Variants in FOCAD observed in about 807,000 individuals in gnomAD.
FOCAD encodes the protein KIAA1797.
A neutral mutation model predicts 225.6 loss-of-function variants in FOCAD; 198 were observed. The ratio of observed to expected loss-of-function variants is 0.88; its 90% confidence interval spans 0.78 to 0.99. The LOEUF (loss-of-function observed/expected upper bound fraction) is 0.99, where lower values mean the gene tolerates loss of function less well. FOCAD is among the 50% of genes least tolerant of loss of function. The probability of loss-of-function intolerance (pLI) is 0.00; values close to 1 mark genes in which losing one functional copy is unlikely to be tolerated. For synonymous variants in FOCAD, 897 were observed against 755.0 expected (o/e 1.19, Z -3.08); for missense variants, 2,713 against 2,123.6 (o/e 1.28, Z -5.46).
intron 10 of FOCAD, among the ~76,000 whole-genome samples, chr9:20,783,244 G>C (rs371180436): frequency 1.3e-5 from 2 of 152,110 alleles, no homozygotes; most frequent in African/African-American, 4.8e-5. Context: ...TTTCTCTTTA[G>C]CAGCTGGTAA....
chr9:20,732,607 C>T (rs1032712764), intron 4 of FOCAD, among the ~76,000 whole-genome samples: 3 of 151,868 alleles, frequency 2.0e-5, no homozygotes, highest in Non-Finnish European at 4.4e-5. Context: ...TTTTATCTAG[C>T]GGGTGTTAGT....
At position 20,849,382 on chromosome 9, in the gene FOCAD, G is replaced by T. The variant is rs182371297; in HGVS notation, c.1921-13196G>T. 8.0e-3 allele frequency among the ~76,000 whole-genome samples: 1,161 copies of T among 145,512 alleles called. 7 individuals are homozygous for T. Among genetic ancestry groups the T allele is most frequent in the African/African-American group, 0.015 (608 of 39,954 alleles). On this transcript the variant is annotated intron_variant, in intron 15 of 43. Coordinates refer to ENST00000338382, the MANE Select transcript of FOCAD (RefSeq NM_001375567.1). ...TGTCTGCTTCTTGAAACTTTTTCTG[G>T]TTTTTTTTTTCTGTTTTTTAAACTA...
chr9:20,890,355 C>G (rs1831507295), intron 21 of FOCAD, among the ~76,000 whole-genome samples: 2 of 146,628 alleles, frequency 1.4e-5, no homozygotes, highest in Admixed American at 1.4e-4. Context: ...CCTTCTAGTC[C>G]TAGATTTCTG....
At chr9:20,962,450 A>ACATACATACATG (rs1454692233) in intron 35 of FOCAD, among the ~76,000 whole-genome samples, 28 of 151,950 alleles carry the variant, frequency 1.8e-4, no homozygotes, top group Non-Finnish European at 4.1e-4. Flanking sequence ...ATACATACAT[A>ACATACATACATG]CATACACTAG....
chr9:20,716,413 T>G (rs899580897), intron 2 of FOCAD, among the ~76,000 whole-genome samples: 1 of 152,110 alleles, frequency 6.6e-6, no homozygotes, highest in East Asian at 1.9e-4. Context: ...TAAGTAGCAA[T>G]GTAGGCTGAT....
chr9:20,806,504 A>G (rs537810380), intron 11 of FOCAD, among the ~76,000 whole-genome samples: 2 of 152,322 alleles, frequency 1.3e-5, no homozygotes, highest in South Asian at 4.1e-4. Context: ...CAAGCTACAG[A>G]ACAAGAATTA....
chr9:20,912,878 G>A lies in FOCAD; in HGVS notation c.2731G>A (p.Glu911Lys). The A allele has an allele frequency of 6.2e-7, 1 of 1,613,210 alleles. No homozygotes were observed. The highest frequency in any genetic ancestry group is 1.3e-5 in the African/African-American group (1 of 74,976). ...GTGATTTTTGCAGGGAAGACTAGGA[G>A]AGCTGGAGTTGCAGTTAAAACATGG... ...YHAILQGRLGELELQLKHGKE... is the reference protein window; with the variant it reads ...YHAILQGRLGKLELQLKHGKE... The change falls in exon 23 of 44, where the codon GAG (glutamate) becomes AAG (lysine). Residue 911 changes from glutamate to lysine, a missense_variant. Glu to Lys is a moderately conservative substitution (Grantham distance 56). Transcript: ENST00000338382.
chr9:20,749,802 A>G (rs1828380194), intron 5 of FOCAD, among the ~76,000 whole-genome samples: 1 of 152,198 alleles, frequency 6.6e-6, no homozygotes, highest in Admixed American at 6.6e-5. Flanking sequence ...GAGGTGACCT[A>G]AAGGTTACAA....
In FOCAD at chr9:20,658,359, G is replaced by A. The variant is rs563394362; in HGVS notation, c.-314G>A. The A allele has an allele frequency of 2.9e-5, 5 of 172,434 alleles. 1 individual carries two copies. The highest frequency in any genetic ancestry group is 4.8e-5 in the Non-Finnish European group (4 of 83,790). 10.7% of individuals were successfully genotyped at this position (172,434 alleles called of 1,614,324 possible). On this transcript the variant is annotated 5_prime_UTR_variant, in exon 1 of 46. Coordinates refer to the FOCAD transcript ENST00000380249. ...TACCTAATCAAGCCTGGGCAATGGC[G>A]GGCGCCCCTCCCGCAGCCTCGCTGC...
At chr9:20,803,008 T>G (rs1822013532) in intron 11 of FOCAD, among the ~76,000 whole-genome samples, 2 of 152,178 alleles carry the variant, frequency 1.3e-5, no homozygotes. Context: ...CTCCTTTCAT[T>G]ATTTCCAGTA....
intron 21 of FOCAD, among the ~76,000 whole-genome samples, chr9:20,904,055 T>A (rs74427237): frequency 0.023 from 3,428 of 152,114 alleles, 126 homozygotes; most frequent in African/African-American, 0.078. Flanking sequence ...TTTGGCATAA[T>A]GTTTTCAAGG....
chr9:20,716,470 T>G (rs534676256), intron 2 of FOCAD, among the ~76,000 whole-genome samples: 1 of 152,268 alleles, frequency 6.6e-6, no homozygotes, highest in East Asian at 1.9e-4. Context: ...GGCTAGTATC[T>G]CTGATTTGTT....
chr9:20,769,520 A>G (rs1381764047), intron 7 of FOCAD, among the ~76,000 whole-genome samples: 2 of 152,216 alleles, frequency 1.3e-5, no homozygotes, highest in African/African-American at 4.8e-5. Flanking sequence ...ACACTCTACC[A>G]TTTGAATATG....
intron 35 of FOCAD, among the ~76,000 whole-genome samples, chr9:20,958,222 A>G (rs115342536): frequency 0.013 from 2,055 of 152,318 alleles, 48 homozygotes; most frequent in African/African-American, 0.046. Flanking sequence ...TCCTTCTTTT[A>G]TAATGTCATA....
chr9:20,947,766 T>C (rs987247786), intron 30 of FOCAD, among the ~76,000 whole-genome samples: 10 of 152,208 alleles, frequency 6.6e-5, no homozygotes, highest in South Asian at 2.1e-4. Flanking sequence ...ATATTGATGA[T>C]AATGGGTTAT....
chr9:20,912,874 A>G lies in FOCAD; in HGVS notation c.2727A>G (p.Leu909=). The stretch of plus-strand genomic sequence containing the variant: ...TGCTGTGATTTTTGCAGGGAAGACT[A>G]GGAGAGCTGGAGTTGCAGTTAAAAC... ...RAYHAILQGR[L]GELELQLKHG... is the part of the protein sequence containing the mutation. The change falls in exon 23 of 44, where the codon CTA becomes CTG. Residue 909 remains leucine, a synonymous_variant. Transcript: ENST00000338382. 3 of 1,613,110 alleles carry G rather than the reference A, an allele frequency of 1.9e-6. No homozygotes were observed. The highest frequency in any genetic ancestry group is 2.2e-5 in the East Asian group (1 of 44,838).
chr9:20,861,879 A>G (rs1439379767), intron 15 of FOCAD, among the ~76,000 whole-genome samples: 1 of 152,136 alleles, frequency 6.6e-6, no homozygotes, highest in Non-Finnish European at 1.5e-5. Context: ...AATTGAACTT[A>G]AGAAGATATT....
At chr9:20,728,000 G>A (rs970508417) in intron 4 of FOCAD, among the ~76,000 whole-genome samples, 11 of 152,168 alleles carry the variant, frequency 7.2e-5, no homozygotes, top group Non-Finnish European at 1.6e-4. Flanking sequence ...AGTGTTTAGT[G>A]TTGTAATGAA....
At chr9:20,841,307 G>T (rs970623390) in intron 15 of FOCAD, among the ~76,000 whole-genome samples, 9 of 151,452 alleles carry the variant, frequency 5.9e-5, no homozygotes, top group Non-Finnish European at 1.3e-4. Flanking sequence ...ATTGATTTTA[G>T]TTCTTCTATA....
Sources: allele counts gnomAD v4.1 joint callset (sites outside exome capture counted in the v4.1 genomes callset), GRCh38; gene constraint gnomAD v4.1.1; transcripts MANE v1.5; gene names NCBI Gene and HGNC (gene_info 2026-07-23, HGNC 2026-07-21).